Variants in IL1RAPL1 observed in about 807,000 individuals in gnomAD.
IL1RAPL1 encodes interleukin-1 receptor accessory protein-like 1.
In IL1RAPL1, 3 loss-of-function variants were observed where a neutral mutation model predicts 48.4. The ratio of observed to expected loss-of-function variants is 0.06; its 90% CI spans 0.03 to 0.16. The LOEUF (loss-of-function observed/expected upper bound fraction) is 0.16, where lower values mean the gene tolerates loss of function less well. Among genes scored for constraint, IL1RAPL1 ranks in the 10% least tolerant of loss-of-function variants. The pLI is 1.00. For missense variants in IL1RAPL1, 349 were observed against 530.6 expected (o/e 0.66, Z 3.36); for synonymous variants, 185 against 187.7 (o/e 0.99, Z 0.12).
intron 3 of IL1RAPL1, among the ~76,000 whole-genome samples, chrX:29,285,362 ATC>A (rs749659643): frequency 6.9e-4 from 74 of 107,352 alleles, no homozygotes; most frequent in African/African-American, 2.4e-3. Flanking sequence ...GAGACACCCC[ATC>A]TCTCCTAAAA....
At chrX:28,969,804 T>C (rs1275155658) in intron 2 of IL1RAPL1, among the ~76,000 whole-genome samples, 1 of 107,414 alleles carries the variant, frequency 9.3e-6, no homozygotes, top group Non-Finnish European at 1.9e-5. Flanking sequence ...TTTTGGCTTA[T>C]TTTTTTCAAT....
chrX:29,786,065 AG>A (rs1929490824), intron 6 of IL1RAPL1, among the ~76,000 whole-genome samples: 1 of 109,604 alleles, frequency 9.1e-6, no homozygotes, highest in Non-Finnish European at 1.9e-5. Flanking sequence ...AACATTGGAA[AG>A]TTAGGACTAG....
At chrX:29,047,720 A>G (rs1342258052) in intron 2 of IL1RAPL1, among the ~76,000 whole-genome samples, 1 of 80,083 alleles carries the variant, frequency 1.2e-5, no homozygotes, top group East Asian at 5.0e-4. Context: ...ATTCAATATA[A>G]ATTCAACCTT....
intron 1 of IL1RAPL1, among the ~76,000 whole-genome samples, chrX:28,616,437 C>CTT (rs1335496099): frequency 1.0e-5 from 1 of 100,156 alleles, no homozygotes; most frequent in African/African-American, 3.6e-5. Flanking sequence ...ATTTTTCTTT[C>CTT]TTTTTTTTTT....
intron 1 of IL1RAPL1, among the ~76,000 whole-genome samples, chrX:28,658,845 C>T (rs1472064714): frequency 9.0e-6 from 1 of 111,261 alleles, no homozygotes; most frequent in Non-Finnish European, 1.9e-5. Context: ...TGCATTAATG[C>T]TTTATGACTC....
chrX:29,822,505 T>A (rs771420077), intron 6 of IL1RAPL1, among the ~76,000 whole-genome samples: 102 of 110,998 alleles, frequency 9.2e-4, no homozygotes, highest in Non-Finnish European at 1.3e-3. Flanking sequence ...CATTTAGATA[T>A]GCTGAAGGTA....
intron 3 of IL1RAPL1, among the ~76,000 whole-genome samples, chrX:29,343,648 A>G (rs1406460464): frequency 8.9e-6 from 1 of 112,146 alleles, no homozygotes; most frequent in Non-Finnish European, 1.9e-5. Flanking sequence ...GTTAAAAACA[A>G]TATGATCAAT....
intron 10 of IL1RAPL1, 39 bp downstream of exon 10, chrX:29,954,731 G>A: frequency 9.8e-7 from 1 of 1,015,479 alleles, no homozygotes; most frequent in Non-Finnish European, 1.4e-6. Context: ...GCATATTCAT[G>A]TGAGTGTCTG....
At chrX:29,802,783 G>A (rs564371421) in intron 6 of IL1RAPL1, among the ~76,000 whole-genome samples, 4,232 of 18,833 alleles carry the variant, frequency 0.22, 614 homozygotes, top group Non-Finnish European at 0.28. Context: ...ATATATATAT[G>A]TGTGTGTGTA....
chrX:29,171,037 C>T (rs1220321258), intron 2 of IL1RAPL1, among the ~76,000 whole-genome samples: 2 of 111,194 alleles, frequency 1.8e-5, no homozygotes, highest in Non-Finnish European at 3.8e-5. Flanking sequence ...CACTCTGTCG[C>T]CCAAGCTGGA....
chrX:29,239,680 C>T (rs1360123303), intron 2 of IL1RAPL1, among the ~76,000 whole-genome samples: 7 of 110,816 alleles, frequency 6.3e-5, no homozygotes, highest in Non-Finnish European at 1.3e-4. Flanking sequence ...AGGCTCAACA[C>T]AAATTTGTAA....
intron 2 of IL1RAPL1, among the ~76,000 whole-genome samples, chrX:28,812,793 A>T (rs1936807891): frequency 9.0e-6 from 1 of 111,038 alleles, no homozygotes. Context: ...ATATAGTGTC[A>T]TAACACTATC....
chrX:29,562,904 G>A (rs750800063), intron 5 of IL1RAPL1, among the ~76,000 whole-genome samples: 2 of 111,890 alleles, frequency 1.8e-5, no homozygotes, highest in Non-Finnish European at 3.8e-5. Flanking sequence ...ACATGACAAA[G>A]AGAGCATGAC....
chrX:29,310,091 C>A (rs1407182646), intron 3 of IL1RAPL1, among the ~76,000 whole-genome samples: 2 of 19,536 alleles, frequency 1.0e-4, no homozygotes, highest in African/African-American at 4.9e-4. Context: ...GAGACTCCGT[C>A]TCAAAAAAAA....
At chrX:29,415,595 A>AT (rs1934204733) in intron 5 of IL1RAPL1, among the ~76,000 whole-genome samples, 1 of 110,166 alleles carries the variant, frequency 9.1e-6, no homozygotes, top group South Asian at 3.8e-4. Flanking sequence ...AATTTTTTGT[A>AT]TTTTTAGTAG....
intron 5 of IL1RAPL1, among the ~76,000 whole-genome samples, chrX:29,469,562 A>T (rs757470766): frequency 1.8e-5 from 2 of 112,033 alleles, no homozygotes; most frequent in East Asian, 5.6e-4. Context: ...GTGCTTTTTC[A>T]TAGCATCTCC....
intron 6 of IL1RAPL1, among the ~76,000 whole-genome samples, chrX:29,732,964 A>G (rs1166849864): frequency 9.0e-6 from 1 of 111,284 alleles, no homozygotes; most frequent in East Asian, 2.8e-4. Context: ...CCTTTACTTT[A>G]AAATGTGATA....
At chrX:29,699,211 G>T (rs1012493528) in intron 6 of IL1RAPL1, among the ~76,000 whole-genome samples, 1 of 112,263 alleles carries the variant, frequency 8.9e-6, no homozygotes, top group Non-Finnish European at 1.9e-5. Context: ...ATTTACAATT[G>T]CATGCCAAAT....
intron 2 of IL1RAPL1, among the ~76,000 whole-genome samples, chrX:28,941,596 G>T (rs1368213336): frequency 1.8e-5 from 2 of 110,984 alleles, no homozygotes; most frequent in African/African-American, 6.5e-5. Flanking sequence ...TAAAGATGCT[G>T]CTTTAAAAAT....
Sources: allele counts gnomAD v4.1 joint callset (sites outside exome capture counted in the v4.1 genomes callset), GRCh38; gene constraint gnomAD v4.1.1; transcripts MANE v1.5; gene names NCBI Gene and HGNC (gene_info 2026-07-23, HGNC 2026-07-21).